Variants in GRM7 observed in about 807,000 individuals in gnomAD.
GRM7 encodes the protein glutamate metabotropic receptor 7.
A neutral mutation model predicts 84.5 loss-of-function variants in GRM7; 35 were observed. The ratio of observed to expected loss-of-function variants is 0.41; its 90% confidence interval spans 0.32 to 0.55. The LOEUF is 0.55. GRM7 is among the 20% of genes least tolerant of loss of function. GRM7 has a pLI of 0.19. For synonymous variants in GRM7, 487 were observed against 455.1 expected (o/e 1.07, Z -0.89); for missense variants, 1,003 against 1,194.6 (o/e 0.84, Z 2.36).
chr3:6,903,099 A>G (rs567367731), intron 1 of GRM7, among the ~76,000 whole-genome samples: 1 of 152,070 alleles, frequency 6.6e-6, no homozygotes, highest in African/African-American at 2.4e-5. Context: ...CACATTGTGC[A>G]TCTTTATTTT....
intron 2 of GRM7, among the ~76,000 whole-genome samples, chr3:7,175,455 T>G (rs1008153983): frequency 2.0e-5 from 3 of 152,252 alleles, no homozygotes; most frequent in Non-Finnish European, 4.4e-5. Flanking sequence ...CACTTCTTCA[T>G]TTGGTGCCTA....
chr3:7,240,028 A>G (rs544371718), intron 2 of GRM7, among the ~76,000 whole-genome samples: 7 of 151,840 alleles, frequency 4.6e-5, no homozygotes, highest in Non-Finnish European at 8.8e-5. Context: ...TACTAGAGAT[A>G]ATGTCCAATA....
chr3:7,284,197 A>G (rs1246574418), intron 2 of GRM7, among the ~76,000 whole-genome samples: 1 of 152,178 alleles, frequency 6.6e-6, no homozygotes, highest in Non-Finnish European at 1.5e-5. Flanking sequence ...ATAATCACAG[A>G]TACATGTGTA....
chr3:7,617,386 A>T (rs1697141778), intron 8 of GRM7, among the ~76,000 whole-genome samples: 1 of 152,132 alleles, frequency 6.6e-6, no homozygotes, highest in Non-Finnish European at 1.5e-5. Context: ...GAAGAGAGAA[A>T]AATTTCAACC....
At position 6,892,131 on chromosome 3, in the gene GRM7, C is replaced by T. The variant is rs145454000; in HGVS notation, c.519+30224C>T. On this transcript the variant is annotated intron_variant, in intron 1 of 9. Transcript: ENST00000357716. ...GTATTGGTTATTCTAGTTATACATT[C>T]GTCTAAATTTTTTTCTCTTTATCAG... Among the ~76,000 whole-genome samples the T allele has an allele frequency of 4.6e-3, 697 of 152,208 alleles. 8 individuals carry two copies. The highest frequency in any genetic ancestry group is 0.014 in the African/African-American group (593 of 41,526).
chr3:7,652,792 A>C (rs2125115792), intron 8 of GRM7, among the ~76,000 whole-genome samples: 1 of 152,354 alleles, frequency 6.6e-6, no homozygotes, highest in Non-Finnish European at 1.5e-5. Context: ...GATCATTAAA[A>C]ATTAGAGTGT....
chr3:7,362,541 T>G (rs894070134), intron 4 of GRM7, among the ~76,000 whole-genome samples: 4 of 152,096 alleles, frequency 2.6e-5, no homozygotes, highest in Non-Finnish European at 4.4e-5. Context: ...GATTCCTACA[T>G]GGACTGCCTT....
At chr3:7,735,289 A>G (rs756877925) in intron 9 of GRM7, among the ~76,000 whole-genome samples, 7 of 152,182 alleles carry the variant, frequency 4.6e-5, no homozygotes, top group Non-Finnish European at 8.8e-5. Context: ...GAGATTTACA[A>G]ATGACTAAAG....
chr3:7,060,920 C>T (rs1697415043), intron 1 of GRM7, among the ~76,000 whole-genome samples: 1 of 151,742 alleles, frequency 6.6e-6, no homozygotes, highest in South Asian at 2.1e-4. Context: ...ATGCATCTTC[C>T]TCTTTCACAG....
chr3:7,517,758 C>G (rs1259394970), intron 7 of GRM7, among the ~76,000 whole-genome samples: 1 of 152,156 alleles, frequency 6.6e-6, no homozygotes, highest in Non-Finnish European at 1.5e-5. Flanking sequence ...GGTATTAACA[C>G]TGTCTGGGGA....
chr3:6,874,234 G>A (rs1695225394), intron 1 of GRM7, among the ~76,000 whole-genome samples: 1 of 152,180 alleles, frequency 6.6e-6, no homozygotes, highest in South Asian at 2.1e-4. Context: ...TGCCATAACT[G>A]CTTATAATAA....
In GRM7 at chr3:6,928,264, C is replaced by A. The variant is rs538801089; in HGVS notation, c.519+66357C>A. 6.6e-6 allele frequency among the ~76,000 whole-genome samples: 1 copy of A among 151,990 alleles called. No homozygotes were observed. Among genetic ancestry groups the A allele is most frequent in the South Asian group, 2.1e-4 (1 of 4,820 alleles). On this transcript the variant is annotated intron_variant, in intron 1 of 9. Coordinates refer to ENST00000357716, the MANE Select transcript of GRM7 (RefSeq NM_000844.4). The surrounding 1 kb of genome is among the most constrained non-coding windows in gnomAD (Gnocchi z 4.5). ...TCAATACCACTCTCTTTCCCAGGTA[C>A]TAAAAAATGCAGTTGTAATGACTTG...
rs1411237769 is a variant in GRM7 at position 7,644,123 on chromosome 3, TG to T, written c.2452-35925del. Among the ~76,000 whole-genome samples the T allele has an allele frequency of 7.4e-4, 40 of 54,180 alleles. 1 individual carries two copies. The highest frequency in any genetic ancestry group is 2.8e-3 in the South Asian group (5 of 1,808). The allele number at this position is 54,180 out of a possible 152,430, so 35.5% of individuals were successfully genotyped here. A position where few individuals can be genotyped will look rare whatever the true frequency, so the allele number is the denominator to read the frequency against. ...AATTTTTAAAACACTGTGCATGTTG[TG>T]TGTGTGTGTGTGTATATATATGTCT... On this transcript the variant is annotated intron_variant, in intron 8 of 9. Transcript: ENST00000357716.
At chr3:7,463,311 A>G (rs931906360) in intron 7 of GRM7, among the ~76,000 whole-genome samples, 2 of 152,220 alleles carry the variant, frequency 1.3e-5, no homozygotes, top group African/African-American at 4.8e-5. Context: ...GGGGTCTTAC[A>G]TGGGGGTTCT....
intron 1 of GRM7, among the ~76,000 whole-genome samples, chr3:7,068,399 T>A (rs909403291): frequency 2.0e-5 from 3 of 152,060 alleles, no homozygotes; most frequent in Admixed American, 6.6e-5. Context: ...AATAAAGGCC[T>A]GCACCATCAA....
chr3:7,222,297 G>C (rs548459350), intron 2 of GRM7, among the ~76,000 whole-genome samples: 24 of 152,156 alleles, frequency 1.6e-4, no homozygotes, highest in African/African-American at 5.5e-4. Context: ...GATTAAGGTA[G>C]TGCTGTGAAG....
chr3:7,571,785 T>C (rs1238461714), intron 7 of GRM7, among the ~76,000 whole-genome samples: 1 of 152,182 alleles, frequency 6.6e-6, no homozygotes, highest in Admixed American at 6.5e-5. Context: ...ATGCTACTGA[T>C]AGAGACATAC....
In GRM7 at chr3:6,861,828, C is replaced by G. The variant is rs751709827; in HGVS notation, c.440C>G (p.Pro147Arg). 5.6e-6 allele frequency: 9 copies of G among 1,614,048 alleles called. No homozygotes were observed. Among genetic ancestry groups the G allele is most frequent in the Non-Finnish European group, 7.6e-6 (9 of 1,180,038 alleles). ...GGCGAACCGCCGGTTTTCGTCAAGC[C>G]GGAGAAAGTAGTTGGAGTGATTGGG... ...TNGEPPVFVKPEKVVGVIGAS... is the reference protein window; with the variant it reads ...TNGEPPVFVKREKVVGVIGAS... Residue 147 changes from proline (P) to arginine (R), a missense_variant, in exon 1 of 10, where the codon CCG becomes CGG. Physicochemically the swap from Pro to Arg is moderately radical, Grantham distance 103 (BLOSUM62 -2). Around this residue, in one of 2 missense-constraint regions of GRM7, gnomAD observed 910 missense variants for 1,126.0 expected, o/e 0.81. Coordinates refer to ENST00000357716, the MANE Select transcript of GRM7 (RefSeq NM_000844.4). The surrounding 1 kb of genome is among the most constrained non-coding windows in gnomAD (Gnocchi z 6.4).
intron 3 of GRM7, among the ~76,000 whole-genome samples, chr3:7,300,460 A>C (rs1314818389): frequency 1.3e-5 from 2 of 152,342 alleles, no homozygotes; most frequent in Middle Eastern, 3.4e-3. Context: ...ACCTTGGGCA[A>C]GTTCCTCCCA....
Sources: allele counts gnomAD v4.1 joint callset (sites outside exome capture counted in the v4.1 genomes callset), GRCh38; gene constraint gnomAD v4.1.1; regional missense constraint gnomAD v4.1.1; non-coding constraint Gnocchi (gnomAD v3.1); transcripts MANE v1.5; gene names NCBI Gene and HGNC (gene_info 2026-07-23, HGNC 2026-07-21).